The following SNTG1 variants were observed in gnomAD, a reference collection of about 807,000 sequenced individuals.
The protein encoded by SNTG1 is gamma-1-syntrophin.
In SNTG1, 39 loss-of-function variants were observed where a neutral mutation model predicts 74.7. That is an observed-to-expected ratio of 0.52 (90% CI 0.40 to 0.68). SNTG1 has a LOEUF of 0.68. SNTG1 is among the 30% of genes least tolerant of loss of function. The pLI, the probability that SNTG1 is intolerant of heterozygous loss-of-function variation, is 0.00. For synonymous variants in SNTG1, 254 were observed against 217.1 expected, an observed-to-expected ratio of 1.17 and a Z score of -1.49; for missense variants, 685 against 609.5, an observed-to-expected ratio of 1.12 and a Z score of -1.30.
intron 1 of SNTG1, among the ~76,000 whole-genome samples, chr8:50,045,553 C>T (rs757975140): frequency 3.9e-5 from 6 of 152,064 alleles, no homozygotes; most frequent in African/African-American, 7.2e-5. Flanking sequence ...TTAGGGGGGA[C>T]AACATCTAAA....
chr8:50,568,845 C>T (rs966256256), intron 12 of SNTG1: 1 of 152,110 alleles, frequency 6.6e-6, no homozygotes, highest in Non-Finnish European at 1.5e-5. Flanking sequence ...GCTCCATCTT[C>T]TATCTATCCA....
At chr8:50,735,197 C>T (rs182347173) in intron 17 of SNTG1, among the ~76,000 whole-genome samples, 273 of 151,590 alleles carry the variant, frequency 1.8e-3, no homozygotes, top group African/African-American at 6.3e-3. Context: ...ATGCTGTACA[C>T]AAGAGGCTAA....
At chr8:50,658,999 G>GT (rs869040888) in intron 15 of SNTG1, among the ~76,000 whole-genome samples, 67 of 33,366 alleles carry the variant, frequency 2.0e-3, no homozygotes, top group African/African-American at 2.7e-3. Context: ...TTGTTACCAT[G>GT]TTTTTTTTTT....
intron 2 of SNTG1, among the ~76,000 whole-genome samples, chr8:50,303,974 C>A (rs2089767618): frequency 6.6e-6 from 1 of 152,112 alleles, no homozygotes; most frequent in African/African-American, 2.4e-5. Flanking sequence ...TATGCCAAAA[C>A]AGATATGTTT....
intron 13 of SNTG1, among the ~76,000 whole-genome samples, chr8:50,612,021 G>A (rs1050634048): frequency 1.3e-5 from 2 of 152,272 alleles, no homozygotes; most frequent in Non-Finnish European, 1.5e-5. Context: ...GCCTCCCAAA[G>A]TGCTGGGATT....
At chr8:50,500,685 C>T (rs751628956) in intron 8 of SNTG1, among the ~76,000 whole-genome samples, 5 of 152,058 alleles carry the variant, frequency 3.3e-5, no homozygotes, top group Admixed American at 6.5e-5. Context: ...AGAAATTTAC[C>T]GTTTAGCTCA....
rs530668383 is a variant in SNTG1, at chr8:50,477,101, G to A, written c.364-25677G>A. 5.0e-3 allele frequency among the ~76,000 whole-genome samples: 762 copies of A among 152,184 alleles called. 11 individuals are homozygous for A. Among genetic ancestry groups the A allele is most frequent in the African/African-American group, 0.017 (693 of 41,520 alleles). On this transcript the variant is annotated intron_variant, in intron 8 of 18. Coordinates refer to ENST00000642720, the MANE Select transcript of SNTG1 (RefSeq NM_018967.5). ...AAACTGGGGAAGAAAAGAAAAATCA[G>A]TGCAGAACAATTTCAAATAATTCAT...
intron 12 of SNTG1, among the ~76,000 whole-genome samples, chr8:50,578,227 T>C (rs2094587878): frequency 6.6e-6 from 1 of 152,198 alleles, no homozygotes; most frequent in Non-Finnish European, 1.5e-5. Context: ...AGACATTCTT[T>C]CTGAGTCCTC....
At chr8:50,618,000 C>T (rs554635783) in intron 13 of SNTG1, among the ~76,000 whole-genome samples, 87 of 152,202 alleles carry the variant, frequency 5.7e-4, no homozygotes, top group African/African-American at 2.0e-3. Context: ...CCCTTACTCT[C>T]AGTATATGGA....
intron 2 of SNTG1, among the ~76,000 whole-genome samples, chr8:50,316,210 A>G (rs1311964518): frequency 4.6e-5 from 7 of 152,170 alleles, no homozygotes; most frequent in Admixed American, 6.5e-5. Context: ...CCTAGCTTAC[A>G]GAATTTGGTA....
chr8:50,777,325 A>T (rs2095643793), intron 18 of SNTG1, among the ~76,000 whole-genome samples: 1 of 149,546 alleles, frequency 6.7e-6, no homozygotes, highest in African/African-American at 2.4e-5. Context: ...TACAACTTTT[A>T]TTCTAACTGG....
At chr8:50,531,628 T>G (rs1483491665) in intron 10 of SNTG1, among the ~76,000 whole-genome samples, 1 of 152,186 alleles carries the variant, frequency 6.6e-6, no homozygotes, top group Non-Finnish European at 1.5e-5. Context: ...CTTATCCCTC[T>G]TGTCTGGATC....
At chr8:49,938,858 C>G (rs1240975768) in intron 1 of SNTG1, among the ~76,000 whole-genome samples, 1 of 151,582 alleles carries the variant, frequency 6.6e-6, no homozygotes, top group African/African-American at 2.4e-5. Flanking sequence ...TTTCCTTCAG[C>G]ATTATGTTTG....
At chr8:50,395,265 T>A (rs1275999051) in intron 3 of SNTG1, among the ~76,000 whole-genome samples, 1 of 152,210 alleles carries the variant, frequency 6.6e-6, no homozygotes, top group Non-Finnish European at 1.5e-5. Context: ...TCTATTCTTA[T>A]GTTTCTACTT....
At chr8:50,473,591 A>T (rs7827319) in intron 8 of SNTG1, among the ~76,000 whole-genome samples, 1 of 152,032 alleles carries the variant, frequency 6.6e-6, no homozygotes, top group Non-Finnish European at 1.5e-5. Context: ...AATTGACGGC[A>T]GTTGTGAAGA....
intron 17 of SNTG1, among the ~76,000 whole-genome samples, chr8:50,740,027 C>G (rs1308056229): frequency 6.6e-6 from 1 of 151,874 alleles, no homozygotes; most frequent in African/African-American, 2.4e-5. Context: ...CTCTGGAATA[C>G]AGCCTAGGCA....
chr8:50,511,170 T>C (rs1433788725), intron 9 of SNTG1, among the ~76,000 whole-genome samples: 1 of 152,236 alleles, frequency 6.6e-6, no homozygotes, highest in South Asian at 2.1e-4. Context: ...CATTTAGTTA[T>C]ATACCCAGTA....
At chr8:50,008,852 C>T (rs1201822409) in intron 1 of SNTG1, among the ~76,000 whole-genome samples, 3 of 152,048 alleles carry the variant, frequency 2.0e-5, no homozygotes, top group Middle Eastern at 3.2e-3. Flanking sequence ...TAAATGCATG[C>T]TATATCTAGC....
At chr8:50,685,832 G>A (rs1428563992) in intron 15 of SNTG1, among the ~76,000 whole-genome samples, 1 of 152,142 alleles carries the variant, frequency 6.6e-6, no homozygotes, top group African/African-American at 2.4e-5. Context: ...ATTCTGGTGA[G>A]CATGTTTTCA....
Sources: allele counts gnomAD v4.1 joint callset (sites outside exome capture counted in the v4.1 genomes callset), GRCh38; gene constraint gnomAD v4.1.1; transcripts MANE v1.5; gene names NCBI Gene and HGNC (gene_info 2026-07-23, HGNC 2026-07-21).